The following PUM3 variants were observed in gnomAD, a reference collection of about 807,000 sequenced individuals.
The protein encoded by PUM3 is pumilio RNA binding family member 3.
In PUM3, 91 loss-of-function variants were observed where a neutral mutation model predicts 84.0. The ratio of observed to expected loss-of-function variants is 1.08; its 90% CI spans 0.91 to 1.29. The LOEUF is 1.29. PUM3 is among the 50% of genes most tolerant of loss of function. The pLI is 0.00. For synonymous variants in PUM3, 321 were observed against 266.7 expected (o/e 1.20, Z -1.98); for missense variants, 1,067 against 767.5 (o/e 1.39, Z -4.61).
rs1563836108 is a variant in PUM3, at chr9:2,837,257, T to G, written c.227A>C (p.Lys76Thr). 1 of 1,614,172 alleles carries G rather than the reference T, an allele frequency of 6.2e-7. No individual in the cohort carries two copies. Among genetic ancestry groups the G allele is most frequent in the South Asian group, 1.1e-5 (1 of 91,076 alleles). Reference sequence around the variant, plus strand: ...CGGCTGGAATTTGTTCTTTGGTGATTTGTCCCCTTGCTGCTTATTCTTGAA... The same window carrying G: ...CGGCTGGAATTTGTTCTTTGGTGATGTGTCCCCTTGCTGCTTATTCTTGAA... ...KQFKNKQQGD[K>T]SPKNKFQPAN... The change falls in exon 3 of 18, where the codon AAA becomes ACA. Residue 76 changes from lysine to threonine, a missense_variant. By Grantham distance (78) the Lys-to-Thr change is moderately conservative. Coordinates refer to ENST00000397885, the MANE Select transcript of PUM3 (RefSeq NM_014878.5).
At chr9:2,810,467 G>C in intron 15 of PUM3, 36 bp from the exon 16 acceptor site, 2 of 1,421,372 alleles carry the variant, frequency 1.4e-6, no homozygotes, top group Non-Finnish European at 2.0e-6. Context: ...TTTAAAAGTT[G>C]TTTTCATTCA....
intron 16 of PUM3, among the ~76,000 whole-genome samples, chr9:2,808,398 C>T (rs529886015): frequency 7.9e-5 from 12 of 152,322 alleles, no homozygotes; most frequent in African/African-American, 1.7e-4. Context: ...TGGCATTTCT[C>T]TTTACAACGC....
chr9:2,828,301 A>C (rs1815878263), intron 9 of PUM3, among the ~76,000 whole-genome samples: 1 of 152,202 alleles, frequency 6.6e-6, no homozygotes. Flanking sequence ...TTGGTTCCCC[A>C]AAGTGCTAGA....
chr9:2,823,279 G>A (rs1420247496), intron 12 of PUM3, among the ~76,000 whole-genome samples: 1 of 151,906 alleles, frequency 6.6e-6, no homozygotes, highest in African/African-American at 2.4e-5. Flanking sequence ...CATTTCTAAA[G>A]AGCTATAAAA....
At chr9:2,821,168 G>A (rs1406964912) in intron 12 of PUM3, among the ~76,000 whole-genome samples, 5 of 152,162 alleles carry the variant, frequency 3.3e-5, no homozygotes, top group Non-Finnish European at 5.9e-5. Context: ...GGCAAAGCCA[G>A]GTGCGGTAGC....
rs763822524 is a variant in PUM3, at chr9:2,837,175, C to T, written c.304+5G>A. ...TAGTTCAGGCATGAACGAACCAGTA[C>T]TTACCATCGCTTCTACCATCTGGCT... On this transcript the variant is annotated splice_donor_5th_base_variant and intron_variant, in intron 3 of 17. Coordinates refer to ENST00000397885, the MANE Select transcript of PUM3 (RefSeq NM_014878.5). 4 of 1,613,218 alleles carry T rather than the reference C, an allele frequency of 2.5e-6. No homozygotes were observed. The highest frequency in any genetic ancestry group is 3.4e-6 in the Non-Finnish European group (4 of 1,179,224).
intron 5 of PUM3, among the ~76,000 whole-genome samples, chr9:2,831,765 A>T (rs962216934): frequency 1.3e-5 from 2 of 152,226 alleles, no homozygotes; most frequent in African/African-American, 4.8e-5. Flanking sequence ...GGCTTTGGCA[A>T]CCAGAAGTAT....
intron 13 of PUM3, among the ~76,000 whole-genome samples, chr9:2,815,987 C>T (rs1419071747): frequency 6.6e-6 from 1 of 152,202 alleles, no homozygotes; most frequent in Non-Finnish European, 1.5e-5. Flanking sequence ...CTTGGCACTC[C>T]TGTTTTGCCA....
chr9:2,833,595 CA>C (rs1050400098), intron 4 of PUM3, among the ~76,000 whole-genome samples, 163 bp from the exon 5 acceptor site: 1 of 152,128 alleles, frequency 6.6e-6, no homozygotes, highest in Admixed American at 6.5e-5. Flanking sequence ...AGCAGCCAGA[CA>C]AAAGTAATTT....
rs57188726 is a variant in PUM3 at position 2,826,099 on chromosome 9, G to GT, written c.1035+973dup. The stretch of plus-strand genomic sequence containing the variant: ...AATTATGCTTCCATTTTCCCCGAAG[G>GT]TTTTTTTTTTTTTAAGTCTCTTTTG... On this transcript the variant is annotated intron_variant, in intron 10 of 17. Coordinates refer to ENST00000397885, the MANE Select transcript of PUM3 (RefSeq NM_014878.5). 3.6e-3 allele frequency among the ~76,000 whole-genome samples: 513 copies of GT among 142,944 alleles called. 6 individuals carry two copies. The East Asian group carries it at 0.058, about 16-fold the overall frequency. 93.8% of individuals were successfully genotyped at this position (142,944 alleles called of 152,430 possible). A position where few individuals can be genotyped will look rare whatever the true frequency, so the allele number is the denominator to read the frequency against.
intron 5 of PUM3, 25 bp from the exon 6 acceptor site, chr9:2,831,369 C>G (rs565422120): frequency 2.1e-6 from 3 of 1,429,500 alleles, no homozygotes; most frequent in East Asian, 4.6e-5. Flanking sequence ...TTGAGTTAGA[C>G]TAATTCTCTT....
At chr9:2,832,013 A>T (rs949450228) in intron 5 of PUM3, among the ~76,000 whole-genome samples, 8 of 152,168 alleles carry the variant, frequency 5.3e-5, no homozygotes, top group Admixed American at 2.0e-4. Context: ...GCCCTCCACG[A>T]ATCATCCATC....
At chr9:2,806,773 A>G (rs1403119049) in intron 17 of PUM3, among the ~76,000 whole-genome samples, 3 of 152,244 alleles carry the variant, frequency 2.0e-5, no homozygotes, top group African/African-American at 2.4e-5. Flanking sequence ...GATATCAACA[A>G]ATAGCACACA....
At chr9:2,819,958 T>C in intron 13 of PUM3, 60 bp downstream of exon 13, 8 of 1,107,852 alleles carry the variant, frequency 7.2e-6, no homozygotes, top group Non-Finnish European at 1.1e-5. Flanking sequence ...AAATCAAGCT[T>C]ACACATCCAC....
intron 1 of PUM3, among the ~76,000 whole-genome samples, chr9:2,841,875 C>T (rs1471181802): frequency 6.6e-6 from 1 of 152,182 alleles, no homozygotes; most frequent in African/African-American, 2.4e-5. Context: ...CAAGTTTACT[C>T]TTTCTGGTGT....
Position 2,834,068 on chromosome 9 carries a change from C to A in PUM3, c.403G>T (p.Val135Phe). ...QLSDKTNYDI[V>F]VRAKQMWEIL... ...TCCCACATCTGCTTTGCCCGAACAA[C>A]AATGTCATAGTTGGTTTTATCACTG... Residue 135 changes from valine (V) to phenylalanine (F), a missense_variant, in exon 4 of 18, where the codon GTT (valine) becomes TTT (phenylalanine). Val to Phe is a conservative substitution (Grantham distance 50). Transcript: ENST00000397885. The A allele has an allele frequency of 6.2e-7, 1 of 1,613,680 alleles. No individual in the cohort carries two copies.
chr9:2,833,965 T>C (rs1311161928), intron 4 of PUM3, 66 bp downstream of exon 4: 10 of 1,521,982 alleles, frequency 6.6e-6, no homozygotes, highest in Non-Finnish European at 8.9e-6. Flanking sequence ...TCTCACTATT[T>C]ACAAGGTACA....
At chr9:2,843,704 A>G (rs141469565) in intron 1 of PUM3, among the ~76,000 whole-genome samples, 5,993 of 148,356 alleles carry the variant, frequency 0.04, 384 homozygotes, top group African/African-American at 0.13. Context: ...TCAGCCTCCC[A>G]AGTAGCTGGG....
chr9:2,804,543 C>A, intron 17 of PUM3, 80 bp from the exon 18 acceptor site: 1 of 1,321,894 alleles, frequency 7.6e-7, no homozygotes. Flanking sequence ...GTAAAAAAGA[C>A]TTTGTTAACT....
Sources: allele counts gnomAD v4.1 joint callset (sites outside exome capture counted in the v4.1 genomes callset), GRCh38; gene constraint gnomAD v4.1.1; transcripts MANE v1.5; gene names NCBI Gene and HGNC (gene_info 2026-07-23, HGNC 2026-07-21).